Variants in IMMP2L observed in about 807,000 individuals in gnomAD.
The protein encoded by IMMP2L is mitochondrial inner membrane protease subunit 2.
IMMP2L carries 18 observed loss-of-function variants against 19.3 expected under a neutral mutation model. That is an observed-to-expected ratio of 0.93 (90% CI 0.64 to 1.38). The LOEUF (loss-of-function observed/expected upper bound fraction) is 1.38. IMMP2L is among the 40% of genes most tolerant of loss of function. The probability of loss-of-function intolerance (pLI) is 0.00; values close to 1 mark genes in which losing one functional copy is unlikely to be tolerated. For missense variants in IMMP2L, 233 were observed against 218.2 expected, an observed-to-expected ratio of 1.07 and a Z score of -0.43; for synonymous variants, 76 against 73.0, an observed-to-expected ratio of 1.04 and a Z score of -0.21.
intron 3 of IMMP2L, among the ~76,000 whole-genome samples, chr7:111,182,053 G>A (rs1465498512): frequency 6.6e-6 from 1 of 151,968 alleles, no homozygotes; most frequent in Non-Finnish European, 1.5e-5. Context: ...ATAAAAAGAG[G>A]TTTTAAAATG....
At chr7:110,689,020 A>G (rs1450236928) in intron 5 of IMMP2L, among the ~76,000 whole-genome samples, 1 of 149,660 alleles carries the variant, frequency 6.7e-6, no homozygotes, top group Non-Finnish European at 1.5e-5. Flanking sequence ...TGATTCTCAA[A>G]GTGTTGTCCT....
In IMMP2L at chr7:110,757,628, G is replaced by A. The variant is rs917955185; in HGVS notation, c.409-93907C>T. Among the ~76,000 whole-genome samples, 7 of 152,174 alleles carry A rather than the reference G, an allele frequency of 4.6e-5. No individual in the cohort carries two copies. The South Asian group carries it at 8.3e-4, about 18-fold the overall frequency. On this transcript the variant is annotated intron_variant, in intron 5 of 5. Coordinates refer to ENST00000405709, the MANE Select transcript of IMMP2L (RefSeq NM_032549.4). This position sits in a 1 kb window ranked among gnomAD's most constrained non-coding sequence, Gnocchi z 4.2. ...CCTGTCTACCCATATCTCATATACC[G>A]GGTTCTATAAGTGCTCCCAGCCCTT...
At chr7:111,428,049 AAC>A (rs1836258547) in intron 3 of IMMP2L, among the ~76,000 whole-genome samples, 1 of 151,816 alleles carries the variant, frequency 6.6e-6, no homozygotes, top group African/African-American at 2.4e-5. Flanking sequence ...TCTGTGTAGC[AAC>A]ACACTCATGC....
rs763408261 is a variant in IMMP2L at position 111,487,252 on chromosome 7, G to A, written c.225C>T (p.Asp75=). ...GAGTTACTTACACCAATGATACAAT[G>A]TCACCACGGTGTACTTCAAAATTCC... is the stretch of plus-strand genomic sequence containing the variant. ...KVRNFEVHRG[D]IVSLVSPKNP... Residue 75 remains aspartate (D), a synonymous_variant, in exon 3 of 6, where the codon GAC becomes GAT. Coordinates refer to ENST00000405709, the MANE Select transcript of IMMP2L (RefSeq NM_032549.4). 9 of 1,549,034 alleles carry A rather than the reference G, an allele frequency of 5.8e-6. No homozygotes were observed. The Admixed American group carries it at 1.0e-4, about 17-fold the overall frequency.
At chr7:110,971,506 T>G (rs1820139637) in intron 3 of IMMP2L, among the ~76,000 whole-genome samples, 1 of 152,068 alleles carries the variant, frequency 6.6e-6, no homozygotes, top group Non-Finnish European at 1.5e-5. Flanking sequence ...AAGGTGTCCA[T>G]CAAGGTGCAG....
intron 4 of IMMP2L, among the ~76,000 whole-genome samples, chr7:110,894,924 GA>G (rs943544940): frequency 8.6e-5 from 13 of 151,668 alleles, no homozygotes; most frequent in African/African-American, 2.4e-4. Context: ...ACCATTTTTT[GA>G]AAAAACTATT....
At position 111,353,362 on chromosome 7, in the gene IMMP2L, C is replaced by T. The variant is rs115937123; in HGVS notation, c.239+133876G>A. 4.2e-3 allele frequency among the ~76,000 whole-genome samples: 637 copies of T among 152,284 alleles called. 5 individuals carry two copies. The highest frequency in any genetic ancestry group is 0.015 in the African/African-American group (611 of 41,566). ...TCAACTCCCCTTCTAACCAAGGCAA[C>T]ACTTATTTAATAATGTGATGAGATC... On this transcript the variant is annotated intron_variant, in intron 3 of 5. Transcript: ENST00000405709.
intron 3 of IMMP2L, among the ~76,000 whole-genome samples, chr7:111,379,064 C>T (rs1830954774): frequency 6.6e-6 from 1 of 151,566 alleles, no homozygotes; most frequent in Admixed American, 6.6e-5. Flanking sequence ...CATTTTGAAA[C>T]ACATTTACTG....
At chr7:110,692,972 C>T (rs1200818315) in intron 5 of IMMP2L, among the ~76,000 whole-genome samples, 1 of 152,196 alleles carries the variant, frequency 6.6e-6, no homozygotes, top group Non-Finnish European at 1.5e-5. Flanking sequence ...CCCAAGCCAT[C>T]TGCACATGAA....
At chr7:111,169,930 T>C (rs1314716797) in intron 3 of IMMP2L, among the ~76,000 whole-genome samples, 1 of 151,920 alleles carries the variant, frequency 6.6e-6, no homozygotes, top group Non-Finnish European at 1.5e-5. Flanking sequence ...TGGTGGTATT[T>C]GGTTATTTAA....
chr7:110,892,896 C>G (rs1810950632), intron 4 of IMMP2L, among the ~76,000 whole-genome samples: 1 of 152,060 alleles, frequency 6.6e-6, no homozygotes, highest in Admixed American at 6.6e-5. Context: ...AAAAACGTTT[C>G]TTCATGTCTC....
chr7:111,085,733 C>A (rs1407429510), intron 3 of IMMP2L, among the ~76,000 whole-genome samples: 1 of 152,080 alleles, frequency 6.6e-6, no homozygotes, highest in African/African-American at 2.4e-5. Context: ...ATGAAACCAA[C>A]CTAAATGCCC....
At chr7:111,142,690 T>C (rs1803064911) in intron 3 of IMMP2L, among the ~76,000 whole-genome samples, 2 of 152,146 alleles carry the variant, frequency 1.3e-5, no homozygotes, top group African/African-American at 4.8e-5. Flanking sequence ...GCACATATCA[T>C]AAAGGTCATG....
At chr7:111,330,481 G>C (rs551341876) in intron 3 of IMMP2L, among the ~76,000 whole-genome samples, 1 of 151,314 alleles carries the variant, frequency 6.6e-6, no homozygotes, top group African/African-American at 2.4e-5. Context: ...CTTATATACT[G>C]AAAGGGCCCA....
intron 2 of IMMP2L, among the ~76,000 whole-genome samples, chr7:111,520,744 A>G (rs1846255764): frequency 2.0e-5 from 3 of 152,248 alleles, no homozygotes; most frequent in African/African-American, 7.2e-5. Flanking sequence ...TTAGGACAAC[A>G]TAATTTTCTC....
chr7:111,555,563 T>A (rs1791191293), intron 1 of IMMP2L, among the ~76,000 whole-genome samples: 1 of 152,082 alleles, frequency 6.6e-6, no homozygotes, highest in East Asian at 1.9e-4. Flanking sequence ...TGTTTCTCTC[T>A]CAAAAAATAA....
intron 3 of IMMP2L, among the ~76,000 whole-genome samples, chr7:111,317,860 G>C (rs17540016): frequency 0.042 from 6,465 of 152,202 alleles, 204 homozygotes; most frequent in South Asian, 0.078. Context: ...TTAGAGTTAA[G>C]TGAAACTTTG....
chr7:111,495,098 C>T (rs1210147216), intron 2 of IMMP2L, among the ~76,000 whole-genome samples: 3 of 151,942 alleles, frequency 2.0e-5, no homozygotes, highest in Non-Finnish European at 2.9e-5. Context: ...ATTTTACACC[C>T]GTTATGTTTT....
intron 5 of IMMP2L, among the ~76,000 whole-genome samples, chr7:110,735,681 TACACACACACACACACACACAC>T (rs3051068): frequency 3.5e-5 from 4 of 114,814 alleles, no homozygotes; most frequent in Non-Finnish European, 3.4e-5. Flanking sequence ...AGTAGACAAA[TACACACACACACACACACACAC>T]ACACACACAC....
Sources: gnomAD v4.1 joint callset for allele counts (sites outside exome capture counted in the v4.1 genomes callset) on GRCh38, gnomAD v4.1.1 for gene constraint, Gnocchi (gnomAD v3.1) non-coding constraint, MANE v1.5 for transcripts, NCBI Gene and HGNC (gene_info 2026-07-23, HGNC 2026-07-21) for gene names.